Variants in UBAP2L observed in about 807,000 individuals in gnomAD.
The protein encoded by UBAP2L is ubiquitin-associated protein 2-like.
UBAP2L carries 12 observed loss-of-function variants against 130.6 expected under a neutral mutation model. That is an observed-to-expected ratio of 0.09 (90% CI 0.06 to 0.15). UBAP2L has a LOEUF of 0.15. Ranked by LOEUF, UBAP2L falls within the 10% of genes least tolerant of loss-of-function variation. UBAP2L has a pLI of 1.00. For synonymous variants in UBAP2L, 503 were observed against 524.7 expected, an observed-to-expected ratio of 0.96 and a Z score of 0.57; for missense variants, 965 against 1,332.5, an observed-to-expected ratio of 0.72 and a Z score of 4.29.
At position 154,249,090 on chromosome 1, in the gene UBAP2L, T is replaced by C. The variant is rs552223698; in HGVS notation, c.1015-149T>C. The C allele has an allele frequency of 1.4e-5, 10 of 717,134 alleles. No individual in the cohort carries two copies. In the African/African-American group the frequency reaches 1.8e-4, roughly 13 times the overall value. The allele number at this position is 717,134 out of a possible 1,614,324, so 44.4% of individuals were successfully genotyped here. On this transcript the variant is annotated intron_variant, in intron 11 of 26. Transcript: ENST00000428931. ...TAAGACAGTCTGACTCTAGGTCCTATACTCTAGTGGACTATGCTGTATACT... is the reference window on the plus strand; with the variant it reads ...TAAGACAGTCTGACTCTAGGTCCTACACTCTAGTGGACTATGCTGTATACT...
At chr1:154,267,512 T>A (rs2149096877) in intron 25 of UBAP2L, among the ~76,000 whole-genome samples, 1 of 151,154 alleles carries the variant, frequency 6.6e-6, no homozygotes, top group South Asian at 2.1e-4. Flanking sequence ...TTTGCCTTTT[T>A]TTTTTTTTTT....
intron 7 of UBAP2L, 126 bp downstream of exon 7, chr1:154,236,737 C>G: frequency 6.1e-6 from 6 of 990,572 alleles, no homozygotes; most frequent in Non-Finnish European, 9.3e-6. Context: ...GGGCTCATTT[C>G]TTAGGGATAA....
intron 12 of UBAP2L, among the ~76,000 whole-genome samples, 162 bp downstream of exon 12, chr1:154,249,599 CAAG>C (rs1284744088): frequency 6.6e-6 from 1 of 151,976 alleles, no homozygotes; most frequent in Non-Finnish European, 1.5e-5. Flanking sequence ...AAGCTGAATT[CAAG>C]AAGTTGGGGA....
intron 15 of UBAP2L, 165 bp from the exon 16 acceptor site, chr1:154,254,671 G>C (rs945503509): frequency 1.6e-5 from 11 of 688,548 alleles, no homozygotes; most frequent in Non-Finnish European, 2.4e-5. Context: ...TTCCTATTTT[G>C]GTTTTTTGGA....
At chr1:154,220,798 G>C (rs552618221), upstream of UBAP2L, 1 of 193,590 alleles carries the variant, frequency 5.2e-6, no homozygotes, top group Admixed American at 5.9e-5. Context: ...GCACGCGCAC[G>C]CTTGCGTGCG....
chr1:154,246,401 A>C lies in UBAP2L; in HGVS notation c.1014+26A>C, dbSNP rs775986650. On this transcript the variant is annotated intron_variant, in intron 11 of 26. Coordinates refer to ENST00000428931, the MANE Select transcript of UBAP2L (RefSeq NM_014847.4). ...GTGAGTAGGAAACGTGGTTTATCCT[A>C]ATCAAACCTTCCTGCTAATCCTAGC... is the stretch of plus-strand genomic sequence containing the variant. 6.9e-6 allele frequency: 11 copies of C among 1,595,424 alleles called. No individual in the cohort carries two copies. The South Asian group carries it at 1.1e-4, about 16-fold the overall frequency.
intron 10 of UBAP2L, among the ~76,000 whole-genome samples, chr1:154,243,694 C>T (rs1333046474): frequency 2.6e-5 from 4 of 152,046 alleles, no homozygotes; most frequent in East Asian, 1.9e-4. Flanking sequence ...CTCCTGACCT[C>T]GGGTAATCCG....
chr1:154,254,096 G>T lies in UBAP2L; in HGVS notation c.1854+7G>T. 1 of 1,529,026 alleles carries T rather than the reference G, an allele frequency of 6.5e-7. No individual in the cohort carries two copies. The highest frequency in any genetic ancestry group is 8.7e-7 in the Non-Finnish European group (1 of 1,142,886). 94.7% of individuals were successfully genotyped at this position (1,529,026 alleles called of 1,614,324 possible). On this transcript the variant is annotated splice_region_variant and intron_variant, in intron 15 of 26. Transcript: ENST00000428931. ...GGACCTGACTCAGGCAAAGGTAGTG[G>T]CTTCATGAACCCTTGGGAATTGGTT...
At chr1:154,254,707 C>A in intron 15 of UBAP2L, 129 bp from the exon 16 acceptor site, 1 of 1,013,224 alleles carries the variant, frequency 9.9e-7, no homozygotes, top group Non-Finnish European at 1.4e-6. Flanking sequence ...TAATATTAAT[C>A]CTTTTGGTTA....
At position 154,240,938 on chromosome 1, in the gene UBAP2L, C is replaced by CG. The variant is rs573880122; in HGVS notation, c.704-575_704-574insG. 1.6e-3 allele frequency among the ~76,000 whole-genome samples: 164 copies of CG among 103,060 alleles called. 1 individual carries two copies. The highest frequency in any genetic ancestry group is 6.1e-3 in the African/African-American group (156 of 25,776). 67.6% of individuals were successfully genotyped at this position (103,060 alleles called of 152,430 possible). ...GCATTGGGTGGTTGTCTGTCTGTCCCCCCCCCCACCCCCATTCCTGCTTTG... is the reference window on the plus strand; with the variant it reads ...GCATTGGGTGGTTGTCTGTCTGTCCCGCCCCCCCACCCCCATTCCTGCTTTG... On this transcript the variant is annotated intron_variant, in intron 8 of 26. Coordinates refer to ENST00000428931, the MANE Select transcript of UBAP2L (RefSeq NM_014847.4).
chr1:154,225,823 T>C (rs1369443956), intron 2 of UBAP2L, among the ~76,000 whole-genome samples: 1 of 152,056 alleles, frequency 6.6e-6, no homozygotes, highest in African/African-American at 2.4e-5. Context: ...ATCTCTCTCT[T>C]TTGTTTTTGA....
At chr1:154,245,815 T>C (rs1284400714) in intron 10 of UBAP2L, among the ~76,000 whole-genome samples, 1 of 151,786 alleles carries the variant, frequency 6.6e-6, no homozygotes, top group African/African-American at 2.4e-5. Context: ...AGCTACAGGC[T>C]GAGGCAGGAG....
At position 154,251,047 on chromosome 1, in the gene UBAP2L, A is replaced by G. The variant is rs1048966936; in HGVS notation, c.1220A>G (p.Lys407Arg). 3.7e-6 allele frequency: 6 copies of G among 1,603,646 alleles called. No individual in the cohort carries two copies. Among genetic ancestry groups the G allele is most frequent in the Non-Finnish European group, 5.1e-6 (6 of 1,172,620 alleles). ...ACTGGGTTTCCTCTTGCAGATTTGA[A>G]GAACCCAAGTGATTCAGCAGTGCAC... The part of the protein sequence containing the change: ...QSPSLVQYDL[K>R]NPSDSAVHSP... Residue 407 changes from lysine to arginine, a missense_variant, in exon 13 of 27, where the codon AAG becomes AGG. By Grantham distance (26) the Lys-to-Arg change is conservative. Coordinates refer to ENST00000428931, the MANE Select transcript of UBAP2L (RefSeq NM_014847.4).
At chr1:154,250,043 T>C (rs900711809) in intron 12 of UBAP2L, among the ~76,000 whole-genome samples, 3 of 152,130 alleles carry the variant, frequency 2.0e-5, no homozygotes. Context: ...AAGTCTTCAC[T>C]TAATGTCATT....
chr1:154,269,180 C>T, intron 26 of UBAP2L: 1 of 822,802 alleles, frequency 1.2e-6, no homozygotes, highest in Non-Finnish European at 1.9e-6. Context: ...TGCCCAATTC[C>T]TTTGGTGCCC....
At chr1:154,256,807 T>C (rs1475554459) in intron 18 of UBAP2L, among the ~76,000 whole-genome samples, 5 of 152,226 alleles carry the variant, frequency 3.3e-5, no homozygotes, top group Admixed American at 3.3e-4. Flanking sequence ...CCATTTGCTT[T>C]ACTGTCTTTC....
chr1:154,263,206 A>AGT, intron 24 of UBAP2L: 1 of 1,549,166 alleles, frequency 6.5e-7, no homozygotes, highest in Non-Finnish European at 8.7e-7. Context: ...TTTGCACTGA[A>AGT]GTCTTGTTTC....
chr1:154,229,918 G>A (rs1669260105), intron 4 of UBAP2L, among the ~76,000 whole-genome samples: 1 of 151,866 alleles, frequency 6.6e-6, no homozygotes, highest in Non-Finnish European at 1.5e-5. Context: ...GTGCAGTGGC[G>A]TGAACCTGCT....
At chr1:154,249,116 C>A in intron 11 of UBAP2L, 123 bp from the exon 12 acceptor site, 2 of 857,360 alleles carry the variant, frequency 2.3e-6, no homozygotes, top group Non-Finnish European at 3.8e-6. Flanking sequence ...GCTGTATACT[C>A]AGTGTGACAG....
Sources: allele counts gnomAD v4.1 joint callset (sites outside exome capture counted in the v4.1 genomes callset), GRCh38; gene constraint gnomAD v4.1.1; transcripts MANE v1.5; gene names NCBI Gene and HGNC (gene_info 2026-07-23, HGNC 2026-07-21).